The following CRTC3 variants were observed in gnomAD, a reference collection of about 807,000 sequenced individuals.
CRTC3 encodes CREB regulated transcription coactivator 3.
In CRTC3, 26 loss-of-function variants were observed where a neutral mutation model predicts 74.5. The ratio of observed to expected loss-of-function variants is 0.35; its 90% CI spans 0.26 to 0.48. The LOEUF is 0.48. CRTC3 is among the 20% of genes least tolerant of loss of function. CRTC3 has a pLI of 0.99. For synonymous variants in CRTC3, 377 were observed against 325.8 expected, an observed-to-expected ratio of 1.16 and a Z score of -1.69; for missense variants, 760 against 787.3, an observed-to-expected ratio of 0.97 and a Z score of 0.41.
At chr15:90,623,320 G>A (rs760121256) in intron 9 of CRTC3, among the ~76,000 whole-genome samples, 25 of 152,094 alleles carry the variant, frequency 1.6e-4, no homozygotes, top group Admixed American at 1.5e-3. Context: ...TGAGAATGTC[G>A]GTTGCCTCCT....
chr15:90,540,147 G>C lies in CRTC3; in HGVS notation c.231+10G>C. 1 of 1,556,506 alleles carries C rather than the reference G, an allele frequency of 6.4e-7. No homozygotes were observed. The highest frequency in any genetic ancestry group is 8.8e-7 in the Non-Finnish European group (1 of 1,136,978). On this transcript the variant is annotated intron_variant, in intron 2 of 14. Coordinates refer to ENST00000268184, the MANE Select transcript of CRTC3 (RefSeq NM_022769.5). ...TGCGTCAGAGTTTCAGGTACCTCCA[G>C]ATATGTACTTTCTTGAAGCTGAATG...
At chr15:90,580,196 T>C (rs1468013294) in intron 2 of CRTC3, among the ~76,000 whole-genome samples, 1 of 152,196 alleles carries the variant, frequency 6.6e-6, no homozygotes, top group Non-Finnish European at 1.5e-5. Context: ...GTTATTCTTC[T>C]GGAGACTGAG....
intron 10 of CRTC3, among the ~76,000 whole-genome samples, chr15:90,626,615 T>G (rs1306086540): frequency 2.0e-5 from 3 of 150,486 alleles, no homozygotes; most frequent in Non-Finnish European, 4.4e-5. Context: ...CTGACACTTT[T>G]TTTTTTTTTT....
At chr15:90,551,247 G>A (rs1246060256) in intron 2 of CRTC3, among the ~76,000 whole-genome samples, 7 of 152,086 alleles carry the variant, frequency 4.6e-5, no homozygotes, top group African/African-American at 1.7e-4. Flanking sequence ...AAAGTACTAA[G>A]CAAAAGTCAG....
intron 13 of CRTC3, 102 bp downstream of exon 13, chr15:90,638,917 T>C: frequency 1.0e-6 from 1 of 981,722 alleles, no homozygotes; most frequent in Non-Finnish European, 1.6e-6. Flanking sequence ...GACATGCCAC[T>C]TTCCTGGTTC....
intron 2 of CRTC3, among the ~76,000 whole-genome samples, chr15:90,582,887 T>C (rs1889270537): frequency 1.3e-5 from 2 of 152,356 alleles, no homozygotes; most frequent in Admixed American, 1.3e-4. Context: ...GGAATGAACA[T>C]GATCCATCTT....
At chr15:90,605,408 T>C (rs1191791709) in intron 5 of CRTC3, among the ~76,000 whole-genome samples, 1 of 152,184 alleles carries the variant, frequency 6.6e-6, no homozygotes, top group African/African-American at 2.4e-5. Context: ...CGTGACTGGC[T>C]AGTATAGTAT....
chr15:90,548,582 G>GA (rs932280055), intron 2 of CRTC3, among the ~76,000 whole-genome samples: 9 of 149,848 alleles, frequency 6.0e-5, no homozygotes, highest in African/African-American at 1.5e-4. Context: ...TTCTTTAAAG[G>GA]AAAAAAAAAG....
intron 2 of CRTC3, among the ~76,000 whole-genome samples, chr15:90,550,763 G>C (rs566600681): frequency 1.6e-4 from 24 of 151,900 alleles, no homozygotes; most frequent in South Asian, 8.3e-4. Flanking sequence ...GAACCCCTTT[G>C]CTTTCCATGG....
chr15:90,597,125 C>T (rs1035417073), intron 3 of CRTC3, among the ~76,000 whole-genome samples: 1 of 152,230 alleles, frequency 6.6e-6, no homozygotes, highest in African/African-American at 2.4e-5. Flanking sequence ...TAGCCCCACA[C>T]AGGCGGAGGA....
chr15:90,581,216 AACAGGACAAGG>A (rs1967533291), intron 2 of CRTC3, among the ~76,000 whole-genome samples: 1 of 152,236 alleles, frequency 6.6e-6, no homozygotes, highest in African/African-American at 2.4e-5. Flanking sequence ...GTCCAGACAG[AACAGGACAAGG>A]ACACTGTGTG....
intron 10 of CRTC3, 24 bp downstream of exon 10, chr15:90,626,017 G>C (rs1375331329): frequency 6.3e-7 from 1 of 1,593,534 alleles, no homozygotes; most frequent in Non-Finnish European, 8.6e-7. Flanking sequence ...GCTTAGCAGT[G>C]ACCTGGTGGC....
intron 13 of CRTC3, among the ~76,000 whole-genome samples, chr15:90,639,995 G>C (rs990259000): frequency 2.0e-5 from 3 of 152,012 alleles, no homozygotes; most frequent in African/African-American, 7.2e-5. Flanking sequence ...CTTGCAGTGA[G>C]CTGAGATCGC....
At chr15:90,583,852 T>C (rs1036740957) in intron 2 of CRTC3, among the ~76,000 whole-genome samples, 27 of 152,174 alleles carry the variant, frequency 1.8e-4, no homozygotes, top group African/African-American at 6.3e-4. Flanking sequence ...TCTTTTCTTT[T>C]TTTTTTGAAT....
chr15:90,602,491 G>T, intron 4 of CRTC3, 106 bp downstream of exon 4: 2 of 699,726 alleles, frequency 2.9e-6, no homozygotes, highest in South Asian at 3.4e-5. Flanking sequence ...ATAAAGCATA[G>T]AATCCTGTTT....
chr15:90,637,857 G>C (rs1969297048), intron 11 of CRTC3: 1 of 153,096 alleles, frequency 6.5e-6, no homozygotes, highest in African/African-American at 2.4e-5. Flanking sequence ...ATTGCCTCCT[G>C]GTTTTTCCTC....
At chr15:90,584,842 G>A (rs1967623250) in intron 2 of CRTC3, among the ~76,000 whole-genome samples, 1 of 152,038 alleles carries the variant, frequency 6.6e-6, no homozygotes, top group Admixed American at 6.6e-5. Flanking sequence ...AAGCTCTGTT[G>A]GAAACAGATA....
chr15:90,628,242 A>G (rs1195046529), intron 10 of CRTC3, among the ~76,000 whole-genome samples: 1 of 150,242 alleles, frequency 6.7e-6, no homozygotes, highest in Non-Finnish European at 1.5e-5. Flanking sequence ...AATAATAGTG[A>G]TAATAATAAT....
chr15:90,607,217 T>C (rs1160979179), intron 5 of CRTC3, among the ~76,000 whole-genome samples, 161 bp from the exon 6 acceptor site: 4 of 152,228 alleles, frequency 2.6e-5, no homozygotes, highest in Admixed American at 6.5e-5. Flanking sequence ...AGGCTGTTAA[T>C]TGATATAAAG....
Sources: allele counts gnomAD v4.1 joint callset (sites outside exome capture counted in the v4.1 genomes callset), GRCh38; gene constraint gnomAD v4.1.1; transcripts MANE v1.5; gene names NCBI Gene and HGNC (gene_info 2026-07-23, HGNC 2026-07-21).